CCND2: variants seen among roughly 807,000 people sequenced by gnomAD.
CCND2 encodes G1/S-specific cyclin-D2.
Under a neutral mutation model 30.2 loss-of-function variants are expected in CCND2, and 6 were observed. The ratio of observed to expected loss-of-function variants is 0.20; its 90% CI spans 0.11 to 0.39. The LOEUF is 0.39. Among genes scored for constraint, CCND2 ranks in the 10% least tolerant of loss-of-function variants. The probability of loss-of-function intolerance (pLI) is 1.00; values close to 1 mark genes in which losing one functional copy is unlikely to be tolerated. For missense variants in CCND2, 235 were observed against 373.4 expected (o/e 0.63, Z 3.06); for synonymous variants, 150 against 153.1 (o/e 0.98, Z 0.15).
chr12:4,295,558 T>C (rs1327402250), intron 4 of CCND2, among the ~76,000 whole-genome samples: 14 of 152,132 alleles, frequency 9.2e-5, no homozygotes, highest in Non-Finnish European at 4.4e-5. Context: ...GGGTGGATCA[T>C]CTGAGGTCAG....
intron 4 of CCND2, chr12:4,297,927 TC>T (rs1864197199): frequency 2.7e-6 from 1 of 364,620 alleles, no homozygotes; most frequent in Non-Finnish European, 5.7e-6. Context: ...TCAGCACTCT[TC>T]CCAGACACAC....
chr12:4,288,237 CTTTTTT>C (rs56794387), intron 3 of CCND2, among the ~76,000 whole-genome samples: 2 of 136,154 alleles, frequency 1.5e-5, no homozygotes, highest in Non-Finnish European at 1.6e-5. Context: ...TAGATCAAAC[CTTTTTT>C]TTTTTTTTTT....
At chr12:4,298,726 C>T (rs968265438) in intron 4 of CCND2, among the ~76,000 whole-genome samples, 1 of 152,190 alleles carries the variant, frequency 6.6e-6, no homozygotes, top group Non-Finnish European at 1.5e-5. Flanking sequence ...TAAGAGAGTG[C>T]ACAAAGGCAC....
intron 3 of CCND2, among the ~76,000 whole-genome samples, chr12:4,280,678 G>T (rs1007376116): frequency 2.6e-5 from 4 of 151,722 alleles, no homozygotes; most frequent in Admixed American, 2.6e-4. Context: ...CTCTCATCAT[G>T]ATTCACTGTG....
chr12:4,283,207 C>G (rs559713156), intron 3 of CCND2, among the ~76,000 whole-genome samples: 3 of 152,328 alleles, frequency 2.0e-5, no homozygotes, highest in African/African-American at 7.2e-5. Context: ...GGGCCCATGC[C>G]CAGGTGAGGG....
chr12:4,296,329 C>T (rs543923736), intron 4 of CCND2, among the ~76,000 whole-genome samples: 15 of 152,322 alleles, frequency 9.8e-5, no homozygotes, highest in East Asian at 3.9e-4. Flanking sequence ...AAGGCAGGAT[C>T]GGCCGGGAGG....
In CCND2 at chr12:4,276,959, G is replaced by A. The variant is rs1371682191; in HGVS notation, c.411+739G>A. Among the ~76,000 whole-genome samples, 5 of 152,248 alleles carry A rather than the reference G, an allele frequency of 3.3e-5. No homozygotes were observed. Among genetic ancestry groups the A allele is most frequent in the Admixed American group, 1.3e-4 (2 of 15,286 alleles). ...AGCGGCTCCAAGGCCCACCTTCGGTGGTTTGCACACCCCTCTTTGCACTGT... is the reference window on the plus strand; with the variant it reads ...AGCGGCTCCAAGGCCCACCTTCGGTAGTTTGCACACCCCTCTTTGCACTGT... On this transcript the variant is annotated intron_variant, in intron 2 of 4. Transcript: ENST00000261254. The surrounding 1 kb of genome is among the most constrained non-coding windows in gnomAD (Gnocchi z 4.8).
chr12:4,303,822 C>T lies in CCND2; in HGVS notation c.*3813C>T, dbSNP rs1203520465. On this transcript the variant is annotated 3_prime_UTR_variant, in exon 5 of 5. Coordinates refer to ENST00000261254, the MANE Select transcript of CCND2 (RefSeq NM_001759.4). The surrounding 1 kb of genome is among the most constrained non-coding windows in gnomAD (Gnocchi z 4.6). ...GACCCCACTGGAGAGCACAGCATGC[C>T]TTACTACTGGGTCATCCTTGGTCTA... 3.0e-5 allele frequency: 7 copies of T among 233,324 alleles called. No individual in the cohort carries two copies. The highest frequency in any genetic ancestry group is 5.1e-5 in the Non-Finnish European group (6 of 118,056). 14.5% of individuals were successfully genotyped at this position (233,324 alleles called of 1,614,324 possible).
chr12:4,294,091 G>A (rs1864135148), intron 4 of CCND2, among the ~76,000 whole-genome samples: 1 of 152,148 alleles, frequency 6.6e-6, no homozygotes, highest in South Asian at 2.1e-4. Flanking sequence ...GTGCGTGTGT[G>A]GTGACAATGA....
Position 4,285,527 on chromosome 12 carries a change from C to A in CCND2, c.572-3315C>A. 1 of 588,824 alleles carries A rather than the reference C, an allele frequency of 1.7e-6. No homozygotes were observed. Among genetic ancestry groups the A allele is most frequent in the Non-Finnish European group, 2.1e-6 (1 of 467,868 alleles). The allele number at this position is 588,824 out of a possible 1,614,324, so 36.5% of individuals were successfully genotyped here. On this transcript the variant is annotated intron_variant, in intron 3 of 4. Coordinates refer to ENST00000261254, the MANE Select transcript of CCND2 (RefSeq NM_001759.4). The surrounding 1 kb of genome is among the most constrained non-coding windows in gnomAD (Gnocchi z 4.1). ...AACAGAACAGCTTTTATTTTCCGTG[C>A]ATCCTTCCAGTTCATCCATAGGCAT...
Position 4,301,353 on chromosome 12 carries a change from G to T in CCND2, c.*1344G>T, listed in dbSNP as rs1376325467. The T allele has an allele frequency of 3.7e-5, 8 of 218,906 alleles. No individual in the cohort carries two copies. Among genetic ancestry groups the T allele is most frequent in the African/African-American group, 6.9e-5 (3 of 43,660 alleles). 13.6% of individuals were successfully genotyped at this position (218,906 alleles called of 1,614,324 possible). On this transcript the variant is annotated 3_prime_UTR_variant, in exon 5 of 5. Transcript: ENST00000261254. ...GGTGTGGCATTTTGTTCCCTTTTCC[G>T]TTTTTTTTTTTTTATTGTTGTTGTT...
chr12:4,274,013 A>T lies in CCND2; in HGVS notation c.-28A>T. 1.9e-6 allele frequency: 3 copies of T among 1,600,372 alleles called. No homozygotes were observed. Among genetic ancestry groups the T allele is most frequent in the Non-Finnish European group, 2.6e-6 (3 of 1,172,844 alleles). On this transcript the variant is annotated 5_prime_UTR_variant, in exon 1 of 5. Transcript: ENST00000261254. The surrounding 1 kb of genome is among the most constrained non-coding windows in gnomAD (Gnocchi z 7.7). ...AACCTTTTTCCAGGCCGGGGAAAGC[A>T]GGAGGGAGAGGGGCCGCCGGGCTGG...
intron 3 of CCND2, among the ~76,000 whole-genome samples, chr12:4,286,711 T>C (rs938272720): frequency 6.6e-6 from 1 of 152,254 alleles, no homozygotes; most frequent in Non-Finnish European, 1.5e-5. Context: ...AGAGTCTCCC[T>C]GTGCAACCGG....
In CCND2 at chr12:4,299,812, A is replaced by G. The variant is rs1240347068; in HGVS notation, c.721-48A>G. 9 of 1,575,390 alleles carry G rather than the reference A, an allele frequency of 5.7e-6. No homozygotes were observed. The highest frequency in any genetic ancestry group is 4.5e-5 in the South Asian group (4 of 87,962). On this transcript the variant is annotated intron_variant, in intron 4 of 4. Coordinates refer to ENST00000261254, the MANE Select transcript of CCND2 (RefSeq NM_001759.4). The surrounding 1 kb of genome is among the most constrained non-coding windows in gnomAD (Gnocchi z 5.2). ...GCATGTTTTCTCCGTAGGATGCTCT[A>G]TGTCCTGTTCCTCTTACTAACAACT...
intron 3 of CCND2, among the ~76,000 whole-genome samples, chr12:4,279,636 A>G (rs1032464778): frequency 7.0e-6 from 1 of 143,854 alleles, no homozygotes; most frequent in African/African-American, 2.5e-5. Flanking sequence ...CTACTGGCCC[A>G]TTTGTTTTGT....
At position 4,282,648 on chromosome 12, in the gene CCND2, C is replaced by G. The variant is rs1413775634; in HGVS notation, c.571+3729C>G. Among the ~76,000 whole-genome samples the G allele has an allele frequency of 1.3e-5, 2 of 152,196 alleles. No individual in the cohort carries two copies. The highest frequency in any genetic ancestry group is 2.9e-5 in the Non-Finnish European group (2 of 68,020). ...CGTTAGCATGCCCTGTGGGGACAAG[C>G]AGCCAGGCAGTGTGGTGCTTGCCAT... On this transcript the variant is annotated intron_variant, in intron 3 of 4. Transcript: ENST00000261254. This position sits in a 1 kb window ranked among gnomAD's most constrained non-coding sequence, Gnocchi z 4.3.
chr12:4,276,631 A>G lies in CCND2; in HGVS notation c.411+411A>G, dbSNP rs374090028. Among the ~76,000 whole-genome samples the G allele has an allele frequency of 6.6e-6, 1 of 152,228 alleles. No homozygotes were observed. Among genetic ancestry groups the G allele is most frequent in the Admixed American group, 6.5e-5 (1 of 15,286 alleles). On this transcript the variant is annotated intron_variant, in intron 2 of 4. Transcript: ENST00000261254. This position sits in a 1 kb window ranked among gnomAD's most constrained non-coding sequence, Gnocchi z 4.8. The stretch of plus-strand genomic sequence containing the variant: ...TAGGTATGTGGCTGTGGTGTCTCCT[A>G]AAAACTTGGAGTTCAAAGGTAATGC...
In CCND2 at chr12:4,298,407, T is replaced by TAGAA. The variant is rs1864203915; in HGVS notation, c.721-1453_721-1452insAGAA. On this transcript the variant is annotated intron_variant, in intron 4 of 4. Coordinates refer to ENST00000261254, the MANE Select transcript of CCND2 (RefSeq NM_001759.4). ...TTAGTGGTTAGTTCCAGCTTTATTT[T>TAGAA]GTTTATTTATATGTTTGTTTTTAAA... Among the ~76,000 whole-genome samples, 5 of 152,354 alleles carry TAGAA rather than the reference T, an allele frequency of 3.3e-5. No individual in the cohort carries two copies. The South Asian group carries it at 1.0e-3, about 32-fold the overall frequency.
rs915924859 is a variant in CCND2, at chr12:4,282,043, G to A, written c.571+3124G>A. The stretch of plus-strand genomic sequence containing the variant: ...ACTGGGGAAGCAGAACTGAGCCATA[G>A]CTTCCCTGGTTGCCGCTCTGCTGAT... On this transcript the variant is annotated intron_variant, in intron 3 of 4. Transcript: ENST00000261254. This position sits in a 1 kb window ranked among gnomAD's most constrained non-coding sequence, Gnocchi z 4.3. 6.6e-6 allele frequency among the ~76,000 whole-genome samples: 1 copy of A among 152,168 alleles called. No individual in the cohort carries two copies. The highest frequency in any genetic ancestry group is 2.4e-5 in the African/African-American group (1 of 41,430).
Sources: gnomAD v4.1 joint callset for allele counts (sites outside exome capture counted in the v4.1 genomes callset) on GRCh38, gnomAD v4.1.1 for gene constraint, Gnocchi (gnomAD v3.1) non-coding constraint, MANE v1.5 for transcripts, NCBI Gene and HGNC (gene_info 2026-07-23, HGNC 2026-07-21) for gene names.